Variants in COL14A1 observed in about 807,000 individuals in gnomAD.
COL14A1 encodes the protein collagen type XIV alpha 1 chain.
A neutral mutation model predicts 230.3 loss-of-function variants in COL14A1; 136 were observed. The observed-to-expected ratio is 0.59, with a 90% confidence interval of 0.51 to 0.68. The LOEUF is 0.68. COL14A1 is among the 30% of genes least tolerant of loss of function. COL14A1 has a pLI of 0.00. For missense variants in COL14A1, 1,976 were observed against 2,215.8 expected (o/e 0.89, Z 2.17); for synonymous variants, 792 against 784.1 (o/e 1.01, Z -0.17).
At position 120,297,491 on chromosome 8, in the gene COL14A1, A is replaced by T; in HGVS notation, c.4237-20A>T. On this transcript the variant is annotated intron_variant, in intron 34 of 47. Coordinates refer to ENST00000297848, the MANE Select transcript of COL14A1 (RefSeq NM_021110.4). ...TTTATATATATTTTATTGAATGACA[A>T]TTTTCTTTTTAAATCATAGTTCCAG... The T allele has an allele frequency of 7.4e-7, 1 of 1,350,984 alleles. No individual in the cohort carries two copies. Among genetic ancestry groups the T allele is most frequent in the Non-Finnish European group, 9.8e-7 (1 of 1,020,562 alleles). 83.7% of individuals were successfully genotyped at this position (1,350,984 alleles called of 1,614,324 possible).
At chr8:120,171,556 C>A (rs1044224813) in intron 5 of COL14A1, among the ~76,000 whole-genome samples, 1 of 152,148 alleles carries the variant, frequency 6.6e-6, no homozygotes, top group Non-Finnish European at 1.5e-5. Context: ...CCTTCTGGCT[C>A]CTGTTGCTTT....
chr8:120,367,248 G>C lies in COL14A1; in HGVS notation c.5155G>C (p.Gly1719Arg). The change falls in exon 46 of 48, where the codon GGA (glycine) becomes CGA (arginine). Residue 1719 changes from glycine to arginine, a missense_variant and splice_region_variant. Around this residue, in one of 3 missense-constraint regions of COL14A1, gnomAD observed 1,791 missense variants for 2,019.5 expected, o/e 0.89. Transcript: ENST00000297848. ...QGPRGPPGPA[G>R]PSGESRPGSP... The stretch of plus-strand genomic sequence containing the variant: ...TCCAAGAGGCCCCCCTGGACCAGCA[G>C]GTAAATCTTCCTTCCTAACAAGAGA... 6.2e-7 allele frequency: 1 copy of C among 1,604,688 alleles called. No individual in the cohort carries two copies. The highest frequency in any genetic ancestry group is 8.5e-7 in the Non-Finnish European group (1 of 1,177,136).
At position 120,212,536 on chromosome 8, in the gene COL14A1, G is replaced by T; in HGVS notation, c.1556G>T (p.Gly519Val). The change falls in exon 13 of 48, where the codon GGA becomes GTA. Residue 519 changes from glycine to valine, a missense_variant. By Grantham distance (109) the Gly-to-Val change is moderately radical. This residue lies in a region of COL14A1 where 1,791 missense variants were observed against 2,019.5 expected (regional missense o/e 0.89). Transcript: ENST00000297848. ...ACAGTCACAGTTTATGCCATGTTTG[G>T]AGAAGAGGCCAGTGATCCTGTTACG... Reference protein sequence around the residue: ...EYTVTVYAMFGEEASDPVTGQ... With the variant: ...EYTVTVYAMFVEEASDPVTGQ... 1 of 1,613,690 alleles carries T rather than the reference G, an allele frequency of 6.2e-7. No homozygotes were observed. The highest frequency in any genetic ancestry group is 8.5e-7 in the Non-Finnish European group (1 of 1,179,724).
chr8:120,293,295 A>G (rs1158740327), intron 34 of COL14A1, among the ~76,000 whole-genome samples: 2 of 152,040 alleles, frequency 1.3e-5, no homozygotes, highest in Admixed American at 6.6e-5. Flanking sequence ...GCTTTTATAT[A>G]TAAATCAATA....
At chr8:120,368,476 C>G (rs1356603624) in intron 46 of COL14A1, among the ~76,000 whole-genome samples, 1 of 151,962 alleles carries the variant, frequency 6.6e-6, no homozygotes, top group East Asian at 1.9e-4. Flanking sequence ...TGAGAGCCAC[C>G]ACGCTATTCA....
intron 11 of COL14A1, 109 bp from the exon 12 acceptor site, chr8:120,209,647 C>A: frequency 9.2e-7 from 1 of 1,092,786 alleles, no homozygotes; most frequent in Non-Finnish European, 1.3e-6. Flanking sequence ...TATTCTTAAT[C>A]CCTTTCTCCC....
At chr8:120,267,711 C>T (rs1174328942) in intron 25 of COL14A1, among the ~76,000 whole-genome samples, 1 of 151,586 alleles carries the variant, frequency 6.6e-6, no homozygotes, top group Non-Finnish European at 1.5e-5. Flanking sequence ...TTTAGTGTGG[C>T]AAGAAAGAGA....
chr8:120,266,990 C>G, intron 25 of COL14A1, 107 bp downstream of exon 25: 1 of 985,922 alleles, frequency 1.0e-6, no homozygotes, highest in South Asian at 1.4e-5. Flanking sequence ...ATTTATTGTG[C>G]TACCTAATTT....
chr8:120,314,445 A>G (rs1472875577), intron 38 of COL14A1, among the ~76,000 whole-genome samples: 1 of 152,222 alleles, frequency 6.6e-6, no homozygotes, highest in Non-Finnish European at 1.5e-5. Flanking sequence ...CTTATCTCAA[A>G]TGGCATCAAA....
chr8:120,254,617 T>A (rs1477853806), intron 22 of COL14A1, among the ~76,000 whole-genome samples: 3 of 152,078 alleles, frequency 2.0e-5, no homozygotes, highest in Non-Finnish European at 2.9e-5. Flanking sequence ...GGGTAAGATT[T>A]AAAATTACCC....
rs1443115456 is a variant in COL14A1 at position 120,231,819 on chromosome 8, AC to A, written c.2349+202del. On this transcript the variant is annotated intron_variant, in intron 19 of 47. Coordinates refer to ENST00000297848, the MANE Select transcript of COL14A1 (RefSeq NM_021110.4). ...AAATCCAAAACTTGCTCCATGTACA[AC>A]TTGCTCCAAGTTAATAACCTCTGAA... is the stretch of plus-strand genomic sequence containing the variant. 5 of 547,280 alleles carry A rather than the reference AC, an allele frequency of 9.1e-6. No individual in the cohort carries two copies. In the African/African-American group the frequency reaches 9.4e-5, roughly 10 times the overall value. 33.9% of individuals were successfully genotyped at this position (547,280 alleles called of 1,614,324 possible). A position where few individuals can be genotyped will look rare whatever the true frequency, so the allele number is the denominator to read the frequency against.
At chr8:120,229,406 C>T (rs900509256) in intron 18 of COL14A1, among the ~76,000 whole-genome samples, 1 of 151,658 alleles carries the variant, frequency 6.6e-6, no homozygotes, top group Non-Finnish European at 1.5e-5. Context: ...ATGATGATTT[C>T]CAATTTCATC....
At chr8:120,271,205 A>C (rs1351521340) in intron 26 of COL14A1, among the ~76,000 whole-genome samples, 1 of 151,662 alleles carries the variant, frequency 6.6e-6, no homozygotes, top group Non-Finnish European at 1.5e-5. Flanking sequence ...AGGGAAGAGC[A>C]AACACCAGGG....
At chr8:120,194,889 T>C (rs1220406384) in intron 5 of COL14A1, among the ~76,000 whole-genome samples, 1 of 152,212 alleles carries the variant, frequency 6.6e-6, no homozygotes, top group Non-Finnish European at 1.5e-5. Flanking sequence ...AATTAATTTT[T>C]ATCCCTTGAC....
chr8:120,210,833 T>C lies in COL14A1; in HGVS notation c.1467+932T>C, dbSNP rs1249847733. Among the ~76,000 whole-genome samples the C allele has an allele frequency of 3.3e-5, 5 of 152,130 alleles. No individual in the cohort carries two copies. The East Asian group carries it at 7.7e-4, about 23-fold the overall frequency. On this transcript the variant is annotated intron_variant, in intron 12 of 47. Coordinates refer to ENST00000297848, the MANE Select transcript of COL14A1 (RefSeq NM_021110.4). ...GAATCTGAGTGTCAAGAACAGAGTATTGGTGACATGTGTCTTTTTATTTCC... is the reference window on the plus strand; with the variant it reads ...GAATCTGAGTGTCAAGAACAGAGTACTGGTGACATGTGTCTTTTTATTTCC...
rs1817094070 is a variant in COL14A1 at position 120,197,892 on chromosome 8, T to C, written c.674T>C (p.Val225Ala). 1 of 1,613,584 alleles carries C rather than the reference T, an allele frequency of 6.2e-7. No homozygotes were observed. Among genetic ancestry groups the C allele is most frequent in the South Asian group, 1.1e-5 (1 of 91,068 alleles). ...ACAAAAGATGAAGTGATTGAAGCTGTCCGAAACCTCCCATATAAAGGAGGA... is the reference window on the plus strand; with the variant it reads ...ACAAAAGATGAAGTGATTGAAGCTGCCCGAAACCTCCCATATAAAGGAGGA... ...FSTKDEVIEAVRNLPYKGGNT... is the reference protein window; with the variant it reads ...FSTKDEVIEAARNLPYKGGNT... The change falls in exon 7 of 48, where the codon GTC (valine) becomes GCC (alanine). Residue 225 changes from valine (V) to alanine (A), a missense_variant. Physicochemically the swap from Val to Ala is moderately conservative, Grantham distance 64 (BLOSUM62 0). Around this residue, in one of 3 missense-constraint regions of COL14A1, gnomAD observed 1,791 missense variants for 2,019.5 expected, o/e 0.89. Transcript: ENST00000297848.
At position 120,287,815 on chromosome 8, in the gene COL14A1, G is replaced by A. The variant is rs183365073; in HGVS notation, c.4078-1793G>A. ...AATGCAAATTCAATTTGTAGAAGTCGAATTCTATTTGTTCATAGACTTATA... is the reference window on the plus strand; with the variant it reads ...AATGCAAATTCAATTTGTAGAAGTCAAATTCTATTTGTTCATAGACTTATA... On this transcript the variant is annotated intron_variant, in intron 33 of 47. Coordinates refer to ENST00000297848, the MANE Select transcript of COL14A1 (RefSeq NM_021110.4). Among the ~76,000 whole-genome samples, 1,093 of 152,014 alleles carry A rather than the reference G, an allele frequency of 7.2e-3. 14 individuals carry two copies. The highest frequency in any genetic ancestry group is 0.024 in the African/African-American group (1,005 of 41,478).
At chr8:120,370,074 C>T (rs1823536028) in intron 47 of COL14A1, among the ~76,000 whole-genome samples, 1 of 152,172 alleles carries the variant, frequency 6.6e-6, no homozygotes. Context: ...GAATATGCTT[C>T]CTAAAACATC....
At chr8:120,330,936 T>A (rs1484472222) in intron 40 of COL14A1, among the ~76,000 whole-genome samples, 1 of 151,876 alleles carries the variant, frequency 6.6e-6, no homozygotes, top group Non-Finnish European at 1.5e-5. Flanking sequence ...AGAAACCCCA[T>A]CTCTACTAAA....
Sources: gnomAD v4.1 joint callset for allele counts (sites outside exome capture counted in the v4.1 genomes callset) on GRCh38, gnomAD v4.1.1 for gene constraint, gnomAD v4.1.1 regional missense constraint, MANE v1.5 for transcripts, NCBI Gene and HGNC (gene_info 2026-07-23, HGNC 2026-07-21) for gene names.